Variants in NPAS3 observed in about 807,000 individuals in gnomAD.
NPAS3 encodes the protein neuronal PAS domain protein 3.
A neutral mutation model predicts 73.1 loss-of-function variants in NPAS3; 14 were observed. The observed-to-expected ratio is 0.19, with a 90% CI of 0.13 to 0.30. The LOEUF (loss-of-function observed/expected upper bound fraction) is 0.30. Ranked by LOEUF, NPAS3 falls within the 10% of genes least tolerant of loss-of-function variation. NPAS3 has a pLI of 1.00. For synonymous variants in NPAS3, 620 were observed against 541.5 expected (o/e 1.14, Z -2.01); for missense variants, 1,096 against 1,250.0 (o/e 0.88, Z 1.86).
chr14:33,395,286 ATAT>A (rs1176398020), intron 4 of NPAS3, among the ~76,000 whole-genome samples: 1 of 152,294 alleles, frequency 6.6e-6, no homozygotes, highest in East Asian at 1.9e-4. Flanking sequence ...TGGAAAATAA[ATAT>A]TATCATTTAT....
chr14:33,282,035 G>C (rs977204135), intron 3 of NPAS3, among the ~76,000 whole-genome samples: 4 of 152,094 alleles, frequency 2.6e-5, no homozygotes, highest in African/African-American at 9.7e-5. Flanking sequence ...GTCCCCAGTA[G>C]CTGTATATGC....
chr14:33,487,936 C>T lies in NPAS3; in HGVS notation c.469-72185C>T, dbSNP rs189003453. On this transcript the variant is annotated intron_variant, in intron 4 of 11. Transcript: ENST00000356141. The stretch of plus-strand genomic sequence containing the variant: ...TCTGTCTTTCGAATTGAAGGATCTT[C>T]CATGTCTACAAGTGTATATTTGTTG... Among the ~76,000 whole-genome samples, 5 of 152,232 alleles carry T rather than the reference C, an allele frequency of 3.3e-5. No homozygotes were observed. The East Asian group carries it at 9.7e-4, about 29-fold the overall frequency.
intron 4 of NPAS3, among the ~76,000 whole-genome samples, chr14:33,478,895 T>C (rs946340883): frequency 2.0e-5 from 3 of 152,176 alleles, no homozygotes; most frequent in Admixed American, 6.5e-5. Flanking sequence ...TGCCTTTAAC[T>C]CTCTGGCTGC....
At chr14:33,475,489 T>C (rs377612299) in intron 4 of NPAS3, among the ~76,000 whole-genome samples, 3 of 151,532 alleles carry the variant, frequency 2.0e-5, no homozygotes, top group East Asian at 1.9e-4. Context: ...TGCCACAGTC[T>C]TGCCTACTTT....
At chr14:33,556,655 T>C (rs1262209515) in intron 4 of NPAS3, among the ~76,000 whole-genome samples, 1 of 152,200 alleles carries the variant, frequency 6.6e-6, no homozygotes, top group Non-Finnish European at 1.5e-5. Context: ...ATGCCATAAA[T>C]GCTTTAATAA....
intron 4 of NPAS3, among the ~76,000 whole-genome samples, chr14:33,539,157 C>T (rs1057046919): frequency 3.9e-5 from 6 of 151,946 alleles, no homozygotes; most frequent in South Asian, 4.2e-4. Flanking sequence ...CTCAACATTG[C>T]GGTGTGCATG....
chr14:33,573,503 T>C (rs1450149452), intron 5 of NPAS3, among the ~76,000 whole-genome samples: 1 of 152,172 alleles, frequency 6.6e-6, no homozygotes, highest in African/African-American at 2.4e-5. Context: ...TGGAGAAGTT[T>C]GCAAAGAATT....
chr14:33,449,249 T>A (rs1380126547), intron 4 of NPAS3, among the ~76,000 whole-genome samples: 1 of 152,188 alleles, frequency 6.6e-6, no homozygotes, highest in Non-Finnish European at 1.5e-5. Flanking sequence ...ATCCTCATAT[T>A]TTAGGAGTTA....
intron 3 of NPAS3, among the ~76,000 whole-genome samples, chr14:33,217,239 C>G (rs1156583015): frequency 6.6e-6 from 1 of 152,106 alleles, no homozygotes; most frequent in East Asian, 1.9e-4. Context: ...CTCCCAGAAG[C>G]TCCCTTTCCT....
At chr14:33,098,346 A>T (rs767924794) in intron 2 of NPAS3, among the ~76,000 whole-genome samples, 1 of 152,202 alleles carries the variant, frequency 6.6e-6, no homozygotes, top group South Asian at 2.1e-4. Flanking sequence ...GATTGTAGAG[A>T]GTCAAATTAT....
intron 1 of NPAS3, among the ~76,000 whole-genome samples, chr14:33,045,700 G>A (rs1465686031): frequency 1.3e-5 from 2 of 152,186 alleles, no homozygotes; most frequent in Admixed American, 1.3e-4. Flanking sequence ...TCTAATTTGA[G>A]TTGATGGTAT....
intron 4 of NPAS3, among the ~76,000 whole-genome samples, chr14:33,532,962 G>A (rs1170110225): frequency 6.6e-6 from 1 of 152,040 alleles, no homozygotes; most frequent in Non-Finnish European, 1.5e-5. Flanking sequence ...TTGCACAAAG[G>A]GAGAGTTGTT....
At chr14:32,941,780 C>T (rs916091235) in intron 1 of NPAS3, among the ~76,000 whole-genome samples, 1 of 152,104 alleles carries the variant, frequency 6.6e-6, no homozygotes, top group African/African-American at 2.4e-5. Context: ...GGCAGGAGCA[C>T]TGTGGAAGAT....
chr14:33,195,358 C>T (rs1164453145), intron 2 of NPAS3, among the ~76,000 whole-genome samples: 1 of 152,064 alleles, frequency 6.6e-6, no homozygotes, highest in Non-Finnish European at 1.5e-5. Flanking sequence ...GCAACCTCCA[C>T]CTCCTGGGTT....
chr14:33,088,005 A>G (rs898976301), intron 2 of NPAS3, among the ~76,000 whole-genome samples: 28 of 152,242 alleles, frequency 1.8e-4, no homozygotes, highest in African/African-American at 6.8e-4. Flanking sequence ...ACCAATGAAT[A>G]ATGATTTGAA....
intron 5 of NPAS3, among the ~76,000 whole-genome samples, chr14:33,586,322 C>T (rs1216055390): frequency 3.3e-5 from 5 of 151,686 alleles, no homozygotes; most frequent in Non-Finnish European, 2.9e-5. Context: ...GAATTCTGTA[C>T]TAATTTTTAG....
intron 1 of NPAS3, among the ~76,000 whole-genome samples, chr14:32,965,501 T>C (rs2037113789): frequency 6.6e-6 from 1 of 152,178 alleles, no homozygotes; most frequent in Non-Finnish European, 1.5e-5. Flanking sequence ...TTTGACAAAA[T>C]TCAATGTTTC....
chr14:33,178,098 CAG>C (rs2045661437), intron 2 of NPAS3, among the ~76,000 whole-genome samples: 2 of 119,212 alleles, frequency 1.7e-5, no homozygotes, highest in East Asian at 5.1e-4. Flanking sequence ...TTTTTGGAGA[CAG>C]AGTCTTGCTC....
chr14:33,202,992 G>A (rs747351784), intron 2 of NPAS3, among the ~76,000 whole-genome samples: 1 of 152,214 alleles, frequency 6.6e-6, no homozygotes, highest in Non-Finnish European at 1.5e-5. Flanking sequence ...TATGGTGTCT[G>A]TTCCCATTAT....
Sources: gnomAD v4.1 joint callset for allele counts (sites outside exome capture counted in the v4.1 genomes callset) on GRCh38, gnomAD v4.1.1 for gene constraint, MANE v1.5 for transcripts, NCBI Gene and HGNC (gene_info 2026-07-23, HGNC 2026-07-21) for gene names.